Variants in DPP10 observed in about 807,000 individuals in gnomAD.
The protein encoded by DPP10 is dipeptidyl peptidase like 10.
In DPP10, 33 loss-of-function variants were observed where a neutral mutation model predicts 120.9. The ratio of observed to expected loss-of-function variants is 0.27; its 90% CI spans 0.21 to 0.37. DPP10 has a LOEUF of 0.37. Ranked by LOEUF, DPP10 falls within the 10% of genes least tolerant of loss-of-function variation. The pLI is 1.00. For missense variants in DPP10, 816 were observed against 942.8 expected (o/e 0.87, Z 1.76); for synonymous variants, 337 against 326.1 (o/e 1.03, Z -0.36).
intron 1 of DPP10, among the ~76,000 whole-genome samples, chr2:115,242,734 G>A (rs532106076): frequency 4.7e-5 from 7 of 150,148 alleles, no homozygotes; most frequent in Non-Finnish European, 8.9e-5. Context: ...TGCATTTTTG[G>A]TTTTGATTGG....
At chr2:115,064,673 A>G in intron 1 of DPP10, 2 of 1,294,276 alleles carry the variant, frequency 1.5e-6, no homozygotes, top group South Asian at 1.2e-5. Flanking sequence ...AGCATGAGTG[A>G]GTGACATGCA....
intron 13 of DPP10, among the ~76,000 whole-genome samples, chr2:115,775,100 C>T (rs1054568310): frequency 6.6e-6 from 1 of 151,708 alleles, no homozygotes; most frequent in Admixed American, 6.6e-5. Flanking sequence ...CGAAAATATG[C>T]AATACATATA....
intron 1 of DPP10, among the ~76,000 whole-genome samples, chr2:114,842,478 T>C (rs548315548): frequency 1.3e-5 from 2 of 152,206 alleles, no homozygotes; most frequent in East Asian, 3.9e-4. Context: ...CCCATCAAGA[T>C]GCACAGCAAC....
At chr2:115,131,596 A>G (rs1046374144) in intron 1 of DPP10, among the ~76,000 whole-genome samples, 1 of 152,216 alleles carries the variant, frequency 6.6e-6, no homozygotes, top group African/African-American at 2.4e-5. Context: ...ATAAAAATAA[A>G]AGTTCAAATT....
At chr2:115,832,437 C>A (rs1575934062) in intron 21 of DPP10, among the ~76,000 whole-genome samples, 1 of 152,300 alleles carries the variant, frequency 6.6e-6, no homozygotes, top group East Asian at 1.9e-4. Flanking sequence ...TTGCGATGAG[C>A]AGAGATTGTG....
intron 1 of DPP10, among the ~76,000 whole-genome samples, chr2:114,589,523 C>G (rs1377597597): frequency 6.6e-6 from 1 of 152,104 alleles, no homozygotes; most frequent in Non-Finnish European, 1.5e-5. Context: ...TAAGCATATA[C>G]AAGAATACAC....
intron 5 of DPP10, among the ~76,000 whole-genome samples, chr2:115,660,857 A>G (rs2088901568): frequency 6.6e-6 from 1 of 152,010 alleles, no homozygotes. Context: ...TATTGGATCA[A>G]CATGAGTTCT....
rs1339914785 is a variant in DPP10 at position 114,837,436 on chromosome 2, C to T, written c.60+394598C>T. 2.0e-5 allele frequency among the ~76,000 whole-genome samples: 3 copies of T among 152,222 alleles called. No individual in the cohort carries two copies. In the East Asian group the frequency reaches 5.8e-4, roughly 29 times the overall value. On this transcript the variant is annotated intron_variant, in intron 1 of 25. Transcript: ENST00000410059. ...GGGCAGGCTCTTTATCTTTTCCTCA[C>T]AACAGTTAGCAGTGTCATGGAGATA...
chr2:114,701,484 T>C (rs1386115929), intron 1 of DPP10, among the ~76,000 whole-genome samples: 5 of 152,152 alleles, frequency 3.3e-5, no homozygotes, highest in Non-Finnish European at 7.3e-5. Flanking sequence ...AAGCGCTATA[T>C]AATTTATTAT....
At chr2:114,842,179 C>T (rs750681335) in intron 1 of DPP10, among the ~76,000 whole-genome samples, 6 of 151,886 alleles carry the variant, frequency 4.0e-5, no homozygotes, top group African/African-American at 9.7e-5. Context: ...CTGAAAGGAC[C>T]GGAGGTGATA....
intron 1 of DPP10, among the ~76,000 whole-genome samples, chr2:114,485,912 G>A (rs1426039103): frequency 6.6e-6 from 1 of 152,088 alleles, no homozygotes; most frequent in African/African-American, 2.4e-5. Flanking sequence ...TTTAAGTAAG[G>A]AAGAAGGGTT....
At chr2:115,280,188 G>C (rs1055855127) in intron 1 of DPP10, among the ~76,000 whole-genome samples, 89 of 152,230 alleles carry the variant, frequency 5.8e-4, no homozygotes, top group African/African-American at 2.0e-3. Context: ...TATAATCTTA[G>C]TCATACTAGT....
intron 8 of DPP10, among the ~76,000 whole-genome samples, chr2:115,730,417 T>C (rs2092876537): frequency 6.6e-6 from 1 of 152,078 alleles, no homozygotes; most frequent in African/African-American, 2.4e-5. Context: ...AGCAGTGGGT[T>C]TCAGGGAAGA....
At chr2:114,652,992 G>C (rs745313463) in intron 1 of DPP10, among the ~76,000 whole-genome samples, 1 of 87,292 alleles carries the variant, frequency 1.1e-5, no homozygotes, top group African/African-American at 6.5e-5. Context: ...CATTGGAAGA[G>C]AGAGAGAGAG....
intron 1 of DPP10, among the ~76,000 whole-genome samples, chr2:114,767,961 C>G (rs1034258714): frequency 6.6e-6 from 1 of 151,890 alleles, no homozygotes; most frequent in Admixed American, 6.6e-5. Context: ...AACCCCATCT[C>G]TACTAAACAT....
chr2:115,770,390 G>C (rs963639768), intron 13 of DPP10, among the ~76,000 whole-genome samples: 1 of 151,984 alleles, frequency 6.6e-6, no homozygotes, highest in African/African-American at 2.4e-5. Context: ...TGTTTACTTT[G>C]TTCCTCTTCT....
At chr2:115,130,501 T>TCCATCCATCC (rs2050293271) in intron 1 of DPP10, among the ~76,000 whole-genome samples, 2 of 144,858 alleles carry the variant, frequency 1.4e-5, no homozygotes, top group African/African-American at 2.6e-5. Context: ...TCCATCCATC[T>TCCATCCATCC]ATCCATCCAT....
At chr2:115,726,240 G>A (rs1384745007) in intron 7 of DPP10, among the ~76,000 whole-genome samples, 2 of 152,140 alleles carry the variant, frequency 1.3e-5, no homozygotes, top group East Asian at 1.9e-4. Context: ...CAGACAAAAC[G>A]TTGGGATAAT....
intron 1 of DPP10, among the ~76,000 whole-genome samples, chr2:114,738,971 G>A (rs1677747497): frequency 6.6e-6 from 1 of 152,132 alleles, no homozygotes; most frequent in African/African-American, 2.4e-5. Flanking sequence ...TTCAAGACAG[G>A]TATGGCCTGC....
Sources: allele counts gnomAD v4.1 joint callset (sites outside exome capture counted in the v4.1 genomes callset), GRCh38; gene constraint gnomAD v4.1.1; transcripts MANE v1.5; gene names NCBI Gene and HGNC (gene_info 2026-07-23, HGNC 2026-07-21).